The following ARHGAP32 variants were observed in gnomAD, a reference collection of about 807,000 sequenced individuals.
ARHGAP32 encodes Rho GTPase activating protein 32, also known as rho GTPase-activating protein 32.
In ARHGAP32, 51 loss-of-function variants were observed where a neutral mutation model predicts 186.5. The observed-to-expected ratio is 0.27, with a 90% CI of 0.22 to 0.35. The LOEUF (loss-of-function observed/expected upper bound fraction) is 0.35, where lower values mean the gene tolerates loss of function less well. Ranked by LOEUF, ARHGAP32 falls within the 10% of genes least tolerant of loss-of-function variation. The pLI is 1.00. For missense variants in ARHGAP32, 2,186 were observed against 2,623.5 expected (o/e 0.83, Z 3.64); for synonymous variants, 950 against 964.3 (o/e 0.99, Z 0.27).
chr11:129,142,555 A>C (rs1591647399), intron 2 of ARHGAP32, among the ~76,000 whole-genome samples: 1 of 152,190 alleles, frequency 6.6e-6, no homozygotes, highest in South Asian at 2.1e-4. Flanking sequence ...CAAACTACTA[A>C]TCAAAATGAG....
chr11:129,145,900 C>T (rs754263680), intron 2 of ARHGAP32, among the ~76,000 whole-genome samples: 2 of 152,028 alleles, frequency 1.3e-5, no homozygotes, highest in East Asian at 1.9e-4. Context: ...AGACGTACCA[C>T]GGGAGAGGAT....
At chr11:128,984,775 T>A (rs1945813359) in intron 15 of ARHGAP32, among the ~76,000 whole-genome samples, 1 of 152,262 alleles carries the variant, frequency 6.6e-6, no homozygotes, top group Admixed American at 6.5e-5. Flanking sequence ...TACATATAAG[T>A]ATCTATAGTC....
chr11:129,091,056 G>A (rs938553709), intron 6 of ARHGAP32, among the ~76,000 whole-genome samples: 7 of 152,078 alleles, frequency 4.6e-5, no homozygotes, highest in African/African-American at 1.7e-4. Context: ...TCTGCAGCAC[G>A]ACATGTAATT....
At chr11:129,055,526 A>G (rs1404414892) in intron 10 of ARHGAP32, among the ~76,000 whole-genome samples, 2 of 152,244 alleles carry the variant, frequency 1.3e-5, no homozygotes, top group African/African-American at 4.8e-5. Flanking sequence ...AAAACATGAA[A>G]GCAACCACAA....
chr11:129,244,283 A>G (rs993035563), intron 1 of ARHGAP32, among the ~76,000 whole-genome samples: 1 of 152,252 alleles, frequency 6.6e-6, no homozygotes, highest in Non-Finnish European at 1.5e-5. Context: ...CTTTGTCAAC[A>G]TTTAACACTA....
At chr11:129,008,995 G>A (rs113158228) in intron 11 of ARHGAP32, among the ~76,000 whole-genome samples, 2 of 152,088 alleles carry the variant, frequency 1.3e-5, no homozygotes, top group Admixed American at 6.5e-5. Flanking sequence ...TTCATTTTTA[G>A]ACATCTTCCA....
In ARHGAP32 at chr11:129,121,179, T is replaced by G. The variant is rs945820451; in HGVS notation, c.444+2267A>C. Reference sequence around the variant, plus strand: ...GATTGTTTAGAGGTTAATATGATTGTTTTTTTTTTCTTTAAATGGCATTCA... The same window carrying G: ...GATTGTTTAGAGGTTAATATGATTGGTTTTTTTTTCTTTAAATGGCATTCA... On this transcript the variant is annotated intron_variant, in intron 5 of 22. Transcript: ENST00000682385. Among the ~76,000 whole-genome samples, 5 of 146,440 alleles carry G rather than the reference T, an allele frequency of 3.4e-5. No individual in the cohort carries two copies. The East Asian group carries it at 1.0e-3, about 30-fold the overall frequency.
At chr11:129,051,031 T>A (rs989554287) in intron 10 of ARHGAP32, among the ~76,000 whole-genome samples, 2 of 152,206 alleles carry the variant, frequency 1.3e-5, no homozygotes, top group African/African-American at 4.8e-5. Flanking sequence ...TTTTCTTTAT[T>A]CAGTCTATCA....
intron 11 of ARHGAP32, among the ~76,000 whole-genome samples, chr11:129,027,707 T>C (rs1200256301): frequency 6.6e-6 from 1 of 152,210 alleles, no homozygotes; most frequent in Non-Finnish European, 1.5e-5. Context: ...TAACCCCACA[T>C]AAGCCACTTC....
At chr11:129,238,962 A>G (rs1170995276) in intron 1 of ARHGAP32, among the ~76,000 whole-genome samples, 1 of 151,944 alleles carries the variant, frequency 6.6e-6, no homozygotes, top group East Asian at 1.9e-4. Flanking sequence ...AGCCTCCCCA[A>G]TAGCTGGGAC....
At chr11:129,224,788 A>AAG (rs1334280629) in intron 1 of ARHGAP32, among the ~76,000 whole-genome samples, 1 of 140,400 alleles carries the variant, frequency 7.1e-6, no homozygotes, top group African/African-American at 2.6e-5. Flanking sequence ...AAAAAAAAAA[A>AAG]AAAATCTCTT....
chr11:129,141,183 G>A (rs899107284), intron 2 of ARHGAP32, among the ~76,000 whole-genome samples: 2 of 152,162 alleles, frequency 1.3e-5, no homozygotes, highest in African/African-American at 4.8e-5. Flanking sequence ...GATGGGAAAG[G>A]AGAATATATC....
intron 1 of ARHGAP32, among the ~76,000 whole-genome samples, chr11:129,219,332 T>C (rs1236492296): frequency 2.0e-5 from 3 of 152,220 alleles, no homozygotes; most frequent in Admixed American, 6.6e-5. Flanking sequence ...ATAGTTGTAA[T>C]TATCAATGAT....
intron 1 of ARHGAP32, among the ~76,000 whole-genome samples, chr11:129,166,191 G>A (rs1284855511): frequency 6.6e-6 from 1 of 151,550 alleles, no homozygotes; most frequent in Non-Finnish European, 1.5e-5. Flanking sequence ...TATCCACATT[G>A]AAGAACACAG....
intron 2 of ARHGAP32, among the ~76,000 whole-genome samples, chr11:129,129,064 C>T (rs1159718223): frequency 1.8e-4 from 27 of 151,884 alleles, no homozygotes; most frequent in Admixed American, 1.5e-3. Context: ...ATGTGGGGAG[C>T]GCCTCTGCCC....
chr11:129,259,579 A>T lies in ARHGAP32; in HGVS notation c.-5+19567T>A, dbSNP rs535469361. ...AACATTTAAGCAATGTAAAAAAAAAAAAAAATAAGCTAAGGAATTAGTGTG... is the reference window on the plus strand; with the variant it reads ...AACATTTAAGCAATGTAAAAAAAAATAAAAATAAGCTAAGGAATTAGTGTG... On this transcript the variant is annotated intron_variant, in intron 1 of 6. Coordinates refer to the ARHGAP32 transcript ENST00000525234. 1.5e-3 allele frequency among the ~76,000 whole-genome samples: 222 copies of T among 152,178 alleles called. 1 individual carries two copies. Among genetic ancestry groups the T allele is most frequent in the African/African-American group, 2.5e-3 (102 of 41,540 alleles).
At chr11:129,120,391 C>T (rs112102692) in intron 5 of ARHGAP32, among the ~76,000 whole-genome samples, 2,788 of 152,082 alleles carry the variant, frequency 0.018, 89 homozygotes, top group African/African-American at 0.062. Flanking sequence ...AGTGAAGATG[C>T]AGGGAAGTCA....
intron 6 of ARHGAP32, among the ~76,000 whole-genome samples, chr11:129,086,727 A>G (rs1336369860): frequency 6.6e-6 from 1 of 150,764 alleles, no homozygotes; most frequent in Non-Finnish European, 1.5e-5. Flanking sequence ...AGGCTGAGGC[A>G]GGAGAATGGC....
At position 128,972,601 on chromosome 11, in the gene ARHGAP32, G is replaced by C. The variant is rs777253433; in HGVS notation, c.3905C>G (p.Thr1302Ser). 3 of 1,608,346 alleles carry C rather than the reference G, an allele frequency of 1.9e-6. No individual in the cohort carries two copies. The highest frequency in any genetic ancestry group is 2.5e-6 in the Non-Finnish European group (3 of 1,176,532). The change falls in exon 22 of 23, where the codon ACT becomes AGT. Residue 1302 changes from threonine (T) to serine (S), a missense_variant. By Grantham distance (58) the Thr-to-Ser change is moderately conservative. Around this residue, in one of 5 missense-constraint regions of ARHGAP32, gnomAD observed 1,502 missense variants for 1,570.0 expected, o/e 0.96. Transcript: ENST00000682385. ...ASWDVAEQPT[T>S]ADFAAATLQR... is the part of the protein sequence containing the mutation. The stretch of plus-strand genomic sequence containing the variant: ...AAGTGTGGCAGCAGCAAAATCAGCA[G>C]TGGTGGGTTGTTCAGCCACATCCCA...
Sources: gnomAD v4.1 joint callset for allele counts (sites outside exome capture counted in the v4.1 genomes callset) on GRCh38, gnomAD v4.1.1 for gene constraint, gnomAD v4.1.1 regional missense constraint, MANE v1.5 for transcripts, NCBI Gene and HGNC (gene_info 2026-07-23, HGNC 2026-07-21) for gene names.